CLSTN2: variants seen among roughly 807,000 people sequenced by gnomAD.
The protein encoded by CLSTN2 is calsyntenin-2.
Under a neutral mutation model 101.2 loss-of-function variants are expected in CLSTN2, and 48 were observed. That is an observed-to-expected ratio of 0.47 (90% confidence interval 0.38 to 0.60). The LOEUF (loss-of-function observed/expected upper bound fraction) is 0.60, where lower values mean the gene tolerates loss of function less well. Among genes scored for constraint, CLSTN2 ranks in the 20% least tolerant of loss-of-function variants. The pLI is 0.00. For missense variants in CLSTN2, 1,160 were observed against 1,238.2 expected, an observed-to-expected ratio of 0.94 and a Z score of 0.95; for synonymous variants, 481 against 463.6, an observed-to-expected ratio of 1.04 and a Z score of -0.48.
At chr3:140,057,924 A>G (rs1254297227) in intron 1 of CLSTN2, among the ~76,000 whole-genome samples, 1 of 152,192 alleles carries the variant, frequency 6.6e-6, no homozygotes, top group Non-Finnish European at 1.5e-5. Context: ...TATATTTCTA[A>G]CAAATGGCTA....
At chr3:140,475,363 A>G (rs1204168787) in intron 8 of CLSTN2, among the ~76,000 whole-genome samples, 1 of 152,258 alleles carries the variant, frequency 6.6e-6, no homozygotes, top group African/African-American at 2.4e-5. Flanking sequence ...GCCCTATTGT[A>G]GACATAGTCT....
chr3:140,028,175 G>C (rs1390639340), intron 1 of CLSTN2, among the ~76,000 whole-genome samples: 2 of 152,100 alleles, frequency 1.3e-5, no homozygotes, highest in African/African-American at 2.4e-5. Context: ...TAGCACATTG[G>C]GGGAATAGCA....
At chr3:140,379,748 C>T (rs4683827) in intron 2 of CLSTN2, among the ~76,000 whole-genome samples, 145,365 of 152,240 alleles carry the variant, frequency 0.95, 69,749 homozygotes, top group East Asian at 1. Flanking sequence ...TATGTAGCCA[C>T]CAAAATAAAG....
intron 2 of CLSTN2, among the ~76,000 whole-genome samples, chr3:140,383,053 T>C (rs1476291056): frequency 6.6e-6 from 1 of 152,148 alleles, no homozygotes; most frequent in Non-Finnish European, 1.5e-5. Flanking sequence ...CACCAGAAGA[T>C]GATATTTTTT....
At chr3:140,562,037 C>G in intron 12 of CLSTN2, 101 bp from the exon 13 acceptor site, 1 of 1,050,034 alleles carries the variant, frequency 9.5e-7, no homozygotes, top group Non-Finnish European at 1.4e-6. Flanking sequence ...CCTGACCCAG[C>G]CTTAACCTGG....
intron 5 of CLSTN2, among the ~76,000 whole-genome samples, chr3:140,436,257 T>A (rs1007723701): frequency 6.6e-6 from 1 of 152,224 alleles, no homozygotes; most frequent in African/African-American, 2.4e-5. Flanking sequence ...GATTTGATTT[T>A]TGTATGTGGT....
intron 1 of CLSTN2, among the ~76,000 whole-genome samples, chr3:139,956,784 A>G (rs537704139): frequency 6.6e-6 from 1 of 152,122 alleles, no homozygotes; most frequent in Non-Finnish European, 1.5e-5. Context: ...GAAAAGCAAA[A>G]ATATCTTAAT....
rs773459967 is a variant in CLSTN2, at chr3:140,466,724, T to G, written c.1337T>G (p.Leu446Arg). The G allele has an allele frequency of 1.4e-5, 22 of 1,613,942 alleles. No homozygotes were observed. In the African/African-American group the frequency reaches 2.7e-4, roughly 20 times the overall value. The change falls in exon 8 of 17, where the codon CTG (leucine) becomes CGG (arginine). Residue 446 changes from leucine (L) to arginine (R), a missense_variant. Transcript: ENST00000458420. ...CGCCCCGCGGAGTTCCACTGGAAGC[T>G]GGATCAGGTATGGTGCTCACCTCAC... ...TFRPAEFHWK[L>R]DQICDKEWHY...
At chr3:140,262,483 T>C (rs375151190) in intron 2 of CLSTN2, among the ~76,000 whole-genome samples, 145 of 61,038 alleles carry the variant, frequency 2.4e-3, no homozygotes, top group African/African-American at 8.1e-3. Flanking sequence ...TTATGATGAA[T>C]TATGAACTCT....
chr3:140,011,640 C>T (rs73224996), intron 1 of CLSTN2, among the ~76,000 whole-genome samples: 4,206 of 152,284 alleles, frequency 0.028, 74 homozygotes, highest in Non-Finnish European at 0.043. Flanking sequence ...TGGCCTCATC[C>T]TTCTCACAAC....
At chr3:140,114,537 AG>A (rs1394519234) in intron 1 of CLSTN2, among the ~76,000 whole-genome samples, 1 of 152,198 alleles carries the variant, frequency 6.6e-6, no homozygotes, top group Non-Finnish European at 1.5e-5. Flanking sequence ...GGAAGAACAA[AG>A]GGGCGGTCTT....
At chr3:140,112,007 A>G (rs1334781515) in intron 1 of CLSTN2, among the ~76,000 whole-genome samples, 1 of 152,220 alleles carries the variant, frequency 6.6e-6, no homozygotes, top group African/African-American at 2.4e-5. Context: ...TGCTTTACTC[A>G]TCTCACAACA....
chr3:139,941,235 G>T (rs547891460), intron 1 of CLSTN2, among the ~76,000 whole-genome samples: 181 of 152,220 alleles, frequency 1.2e-3, no homozygotes, highest in Non-Finnish European at 2.0e-3. Flanking sequence ...AGCTGGGGAA[G>T]AGCACTGAGC....
intron 1 of CLSTN2, among the ~76,000 whole-genome samples, chr3:140,026,880 T>C (rs1473773739): frequency 6.6e-6 from 1 of 152,208 alleles, no homozygotes; most frequent in East Asian, 1.9e-4. Context: ...CTTTTCCTCT[T>C]GGCTGGATCG....
chr3:139,979,576 T>C (rs1424965510), intron 1 of CLSTN2, among the ~76,000 whole-genome samples: 2 of 152,144 alleles, frequency 1.3e-5, no homozygotes, highest in Non-Finnish European at 2.9e-5. Context: ...CAGGTTCCTA[T>C]AGAGAGCTGC....
chr3:140,006,503 T>A (rs1454907615), intron 1 of CLSTN2, among the ~76,000 whole-genome samples: 1 of 152,180 alleles, frequency 6.6e-6, no homozygotes, highest in Non-Finnish European at 1.5e-5. Flanking sequence ...TCCAGGCACC[T>A]TGGAATCCAC....
chr3:140,357,041 C>T (rs1439973809), intron 2 of CLSTN2, among the ~76,000 whole-genome samples: 1 of 152,102 alleles, frequency 6.6e-6, no homozygotes, highest in African/African-American at 2.4e-5. Context: ...AGCAAAGGCA[C>T]AGAAGAAAGG....
chr3:140,122,234 C>T (rs34413884), intron 1 of CLSTN2, among the ~76,000 whole-genome samples: 1 of 151,954 alleles, frequency 6.6e-6, no homozygotes, highest in African/African-American at 2.4e-5. Flanking sequence ...CAGAAGACAC[C>T]TATCCCCACT....
At chr3:140,093,828 A>T (rs2008822452) in intron 1 of CLSTN2, among the ~76,000 whole-genome samples, 1 of 152,238 alleles carries the variant, frequency 6.6e-6, no homozygotes, top group African/African-American at 2.4e-5. Context: ...TTTCTAAGTT[A>T]CAAGTAGTAG....
Sources: allele counts gnomAD v4.1 joint callset (sites outside exome capture counted in the v4.1 genomes callset), GRCh38; gene constraint gnomAD v4.1.1; transcripts MANE v1.5; gene names NCBI Gene and HGNC (gene_info 2026-07-23, HGNC 2026-07-21).